Variants in EPS8L2 observed in about 807,000 individuals in gnomAD.
EPS8L2 encodes EPS8 signaling adaptor L2.
EPS8L2 carries 81 observed loss-of-function variants against 99.4 expected under a neutral mutation model. That is an observed-to-expected ratio of 0.82 (90% CI 0.68 to 0.98). The LOEUF (loss-of-function observed/expected upper bound fraction) is 0.98. Among genes scored for constraint, EPS8L2 ranks in the 50% least tolerant of loss-of-function variants. The pLI is 0.00. For missense variants in EPS8L2, 1,155 were observed against 968.8 expected (o/e 1.19, Z -2.55); for synonymous variants, 509 against 407.3 (o/e 1.25, Z -3.01).
At chr11:726,840 G>C in intron 20 of EPS8L2, 61 bp from the exon 21 acceptor site, 1 of 1,590,534 alleles carries the variant, frequency 6.3e-7, no homozygotes, top group East Asian at 2.3e-5. Context: ...GAGCAAGGGG[G>C]AGGCCGGCAC....
At chr11:718,962 C>G (rs893311109) in intron 4 of EPS8L2, among the ~76,000 whole-genome samples, 1 of 149,356 alleles carries the variant, frequency 6.7e-6, no homozygotes, top group Admixed American at 6.8e-5. Flanking sequence ...GCCACTGCGC[C>G]CGATCTTTTT....
At chr11:718,516 C>T (rs1792449291) in intron 4 of EPS8L2, among the ~76,000 whole-genome samples, 1 of 145,414 alleles carries the variant, frequency 6.9e-6, no homozygotes, top group Non-Finnish European at 1.5e-5. Flanking sequence ...GACAGGGTCT[C>T]TCTCTGTTGC....
At chr11:714,665 T>TA (rs1161479267) in intron 4 of EPS8L2, among the ~76,000 whole-genome samples, 2 of 82,458 alleles carry the variant, frequency 2.4e-5, no homozygotes, top group African/African-American at 2.0e-4. Flanking sequence ...ATTTATTTTA[T>TA]TTTATTTTAT....
chr11:716,185 G>A (rs1862022564), intron 4 of EPS8L2, among the ~76,000 whole-genome samples: 1 of 149,356 alleles, frequency 6.7e-6, no homozygotes, highest in African/African-American at 2.5e-5. Flanking sequence ...GTCTCGCTCT[G>A]TCACCCAGGC....
chr11:726,024 G>T (rs1004809593), intron 17 of EPS8L2, 74 bp from the exon 18 acceptor site: 42 of 1,306,716 alleles, frequency 3.2e-5, no homozygotes, highest in South Asian at 1.5e-4. Flanking sequence ...GATTGGCGGG[G>T]TGGGGAGGTC....
At chr11:707,955 C>T (rs567004239) in intron 1 of EPS8L2, among the ~76,000 whole-genome samples, 20 of 152,280 alleles carry the variant, frequency 1.3e-4, no homozygotes, top group Admixed American at 1.2e-3. Flanking sequence ...CAGACATTCT[C>T]CACGGATAGA....
At chr11:710,603 C>G in intron 4 of EPS8L2, 117 bp downstream of exon 4, 2 of 1,001,358 alleles carry the variant, frequency 2.0e-6, no homozygotes, top group Non-Finnish European at 3.1e-6. Flanking sequence ...GTGGTGCCGG[C>G]CTGTAGGCCC....
chr11:712,321 C>T (rs1424878291), intron 4 of EPS8L2, among the ~76,000 whole-genome samples: 1 of 151,542 alleles, frequency 6.6e-6, no homozygotes, highest in African/African-American at 2.4e-5. Context: ...CGCCTGGGTA[C>T]GAGCTGGGCT....
chr11:720,194 T>A lies in EPS8L2; in HGVS notation c.298T>A (p.Ser100Thr). Residue 100 changes from serine (S) to threonine (T), a missense_variant, in exon 5 of 21, where the codon TCG becomes ACG. By Grantham distance (58) the Ser-to-Thr change is moderately conservative. Transcript: ENST00000318562. ...QEMLLQVNDQ[S>T]LRLLDIESQE... is the part of the protein sequence containing the mutation. ...GATGCTGCTGCAGGTGAACGACCAG[T>A]CGCTGCGGCTGCTGGACATCGAGTC... The A allele has an allele frequency of 6.2e-7, 1 of 1,613,242 alleles. No individual in the cohort carries two copies.
At chr11:726,868 C>T in intron 20 of EPS8L2, 33 bp from the exon 21 acceptor site, 1 of 1,604,598 alleles carries the variant, frequency 6.2e-7, no homozygotes, top group East Asian at 2.2e-5. Flanking sequence ...CGTGGGACCC[C>T]CGGCTGAGGA....
rs200537412 is a variant in EPS8L2 at position 720,985 on chromosome 11, G to GGGAGGGAGGGGAGGAGCCCGGCA, written c.558-77_558-76insAGGGAGGGGAGGAGCCCGGCAGG. The GGGAGGGAGGGGAGGAGCCCGGCA allele has an allele frequency of 1.3e-4, 174 of 1,372,588 alleles. 2 individuals are homozygous for GGGAGGGAGGGGAGGAGCCCGGCA. Among genetic ancestry groups the GGGAGGGAGGGGAGGAGCCCGGCA allele is most frequent in the South Asian group, 3.9e-4 (30 of 76,988 alleles). The allele number at this position is 1,372,588 out of a possible 1,614,324, so 85.0% of individuals were successfully genotyped here. On this transcript the variant is annotated intron_variant, in intron 7 of 20. Transcript: ENST00000318562. ...CGGCAGGGGAGGGGAGGAGCCGGCAGGGGAGGGGAGGAGCCCGGCAGGGAG... is the reference window on the plus strand; with the variant it reads ...CGGCAGGGGAGGGGAGGAGCCGGCAGGGAGGGAGGGGAGGAGCCCGGCAGGGAGGGGAGGAGCCCGGCAGGGAG...
Position 721,181 on chromosome 11 carries a change from C to T in EPS8L2, c.675C>T (p.Gly225=), listed in dbSNP as rs1023521087. Residue 225 remains glycine, a synonymous_variant, in exon 8 of 21, where the codon GGC becomes GGT. Coordinates refer to ENST00000318562, the MANE Select transcript of EPS8L2 (RefSeq NM_022772.4). The part of the protein sequence containing the change: ...GDSPEAKNRV[G]PQVPLSEPGF... ...CCCCGGAGGCCAAGAATCGCGTGGG[C>T]CCGCAGGTGCCACTCAGCGAGCCAG... 11 of 1,533,558 alleles carry T rather than the reference C, an allele frequency of 7.2e-6. No individual in the cohort carries two copies. Among genetic ancestry groups the T allele is most frequent in the Middle Eastern group, 1.7e-4 (1 of 5,836 alleles). 95.0% of individuals were successfully genotyped at this position (1,533,558 alleles called of 1,614,324 possible). A position where few individuals can be genotyped will look rare whatever the true frequency, so the allele number is the denominator to read the frequency against.
chr11:709,214 C>G, intron 1 of EPS8L2, 116 bp from the exon 2 acceptor site: 1 of 594,850 alleles, frequency 1.7e-6, no homozygotes, highest in Non-Finnish European at 2.7e-6. Context: ...GGCAGGGGCT[C>G]TGCCCCCCAA....
rs1260448408 is a variant in EPS8L2 at position 720,149 on chromosome 11, GAGA to G, written c.257_259del (p.Lys86del). The G allele has an allele frequency of 1.2e-6, 2 of 1,613,458 alleles. No individual in the cohort carries two copies. Among genetic ancestry groups the G allele is most frequent in the Non-Finnish European group, 8.5e-7 (1 of 1,179,938 alleles). On this transcript the variant is annotated inframe_deletion, in exon 5 of 21. Coordinates refer to ENST00000318562, the MANE Select transcript of EPS8L2 (RefSeq NM_022772.4). ...GAAGCTGGTGCAGCTGAGCTCCAAGGAGAAGATCTGGACCCAGGAGATGCTGCT... is the reference window on the plus strand; with the variant it reads ...GAAGCTGGTGCAGCTGAGCTCCAAGGAGATCTGGACCCAGGAGATGCTGCT...
intron 4 of EPS8L2, among the ~76,000 whole-genome samples, chr11:718,717 G>A (rs1264328387): frequency 2.7e-5 from 4 of 147,060 alleles, no homozygotes; most frequent in Non-Finnish European, 4.5e-5. Flanking sequence ...CGCCCAGGCT[G>A]GAGTGCAGTG....
chr11:709,345 T>A lies in EPS8L2; in HGVS notation c.-63T>A, dbSNP rs949058677. The A allele has an allele frequency of 2.2e-5, 33 of 1,533,512 alleles. No homozygotes were observed. In the Admixed American group the frequency reaches 6.5e-4, roughly 30 times the overall value. The allele number at this position is 1,533,512 out of a possible 1,614,324, so 95.0% of individuals were successfully genotyped here. On this transcript the variant is annotated 5_prime_UTR_variant, in exon 2 of 21. Coordinates refer to ENST00000318562, the MANE Select transcript of EPS8L2 (RefSeq NM_022772.4). The stretch of plus-strand genomic sequence containing the variant: ...GTCCACCCAGGTGTGGGACAGGCAC[T>A]GGCCTCAGACCGGGGCCACACTGAG...
intron 4 of EPS8L2, among the ~76,000 whole-genome samples, chr11:715,508 C>T (rs1861997990): frequency 6.6e-6 from 1 of 151,638 alleles, no homozygotes; most frequent in Admixed American, 6.6e-5. Flanking sequence ...ACTTTGGGCT[C>T]TGTTGATTTG....
At chr11:710,267 C>T (rs1055730958) in intron 3 of EPS8L2, 155 bp from the exon 4 acceptor site, 3 of 683,248 alleles carry the variant, frequency 4.4e-6, no homozygotes, top group Non-Finnish European at 7.8e-6. Flanking sequence ...TCCTGCAGGT[C>T]CTGATTTCAC....
chr11:715,628 T>G (rs900245987), intron 4 of EPS8L2, among the ~76,000 whole-genome samples: 7 of 145,390 alleles, frequency 4.8e-5, no homozygotes, highest in Non-Finnish European at 9.0e-5. Context: ...GTTTTTTTTT[T>G]TTTTTTTTTT....
Sources: allele counts gnomAD v4.1 joint callset (sites outside exome capture counted in the v4.1 genomes callset), GRCh38; gene constraint gnomAD v4.1.1; transcripts MANE v1.5; gene names NCBI Gene and HGNC (gene_info 2026-07-23, HGNC 2026-07-21).